The following ARID5B variants were observed in gnomAD, a reference collection of about 807,000 sequenced individuals.
ARID5B encodes the protein AT-rich interaction domain 5B, also known as AT-rich interactive domain-containing protein 5B.
A neutral mutation model predicts 97.2 loss-of-function variants in ARID5B; 13 were observed. The observed-to-expected ratio is 0.13, with a 90% CI of 0.09 to 0.21. The LOEUF is 0.21. Among genes scored for constraint, ARID5B ranks in the 10% least tolerant of loss-of-function variants. The pLI is 1.00. For missense variants in ARID5B, 1,210 were observed against 1,465.3 expected, an observed-to-expected ratio of 0.83 and a Z score of 2.84; for synonymous variants, 556 against 570.3, an observed-to-expected ratio of 0.97 and a Z score of 0.36.
intron 3 of ARID5B, among the ~76,000 whole-genome samples, chr10:61,993,035 G>C (rs534715485): frequency 4.0e-5 from 6 of 151,576 alleles, no homozygotes; most frequent in Non-Finnish European, 8.8e-5. Context: ...TTTTAATCAG[G>C]CATTTAATTT....
intron 4 of ARID5B, among the ~76,000 whole-genome samples, chr10:62,027,863 G>A (rs891613097): frequency 6.6e-6 from 1 of 152,132 alleles, no homozygotes; most frequent in South Asian, 2.1e-4. Flanking sequence ...AGTGAGTTCA[G>A]CACCCTTGTG....
At chr10:62,077,704 A>C (rs1218737965) in intron 8 of ARID5B, among the ~76,000 whole-genome samples, 1 of 152,202 alleles carries the variant, frequency 6.6e-6, no homozygotes, top group Non-Finnish European at 1.5e-5. Context: ...TTTAAATTTG[A>C]GAATAGATTA....
chr10:62,016,867 A>C (rs1253889373), intron 4 of ARID5B, among the ~76,000 whole-genome samples: 1 of 152,226 alleles, frequency 6.6e-6, no homozygotes, highest in African/African-American at 2.4e-5. Context: ...ATATTTGAAC[A>C]GTATGCCTGT....
At chr10:62,029,763 G>C (rs1839470788) in intron 4 of ARID5B, among the ~76,000 whole-genome samples, 1 of 152,186 alleles carries the variant, frequency 6.6e-6, no homozygotes, top group African/African-American at 2.4e-5. Context: ...ATTTAGTTCA[G>C]ATTTTCGACT....
At chr10:62,006,782 T>C (rs1839152377) in intron 4 of ARID5B, among the ~76,000 whole-genome samples, 1 of 152,186 alleles carries the variant, frequency 6.6e-6, no homozygotes, top group African/African-American at 2.4e-5. Context: ...ACAGTCATAA[T>C]ATATGGAATG....
Position 62,093,211 on chromosome 10 carries a change from C to T in ARID5B, c.*181C>T, listed in dbSNP as rs1003245550. The stretch of plus-strand genomic sequence containing the variant: ...CTGATTTTTGTGGGACAACTCTAGC[C>T]CACAAACTGACTGGCTGGTGAGTCT... On this transcript the variant is annotated 3_prime_UTR_variant, in exon 10 of 10. Coordinates refer to ENST00000279873, the MANE Select transcript of ARID5B (RefSeq NM_032199.3). The T allele has an allele frequency of 3.1e-5, 26 of 834,150 alleles. No individual in the cohort carries two copies. In the South Asian group the frequency reaches 5.3e-4, roughly 17 times the overall value. 51.7% of individuals were successfully genotyped at this position (834,150 alleles called of 1,614,324 possible). A position where few individuals can be genotyped will look rare whatever the true frequency, so the allele number is the denominator to read the frequency against.
At chr10:62,015,487 A>G (rs1250548790) in intron 4 of ARID5B, among the ~76,000 whole-genome samples, 1 of 152,218 alleles carries the variant, frequency 6.6e-6, no homozygotes, top group Non-Finnish European at 1.5e-5. Context: ...AATGATTATG[A>G]GAATCTGACT....
At chr10:61,912,854 G>A (rs1422766506) in intron 2 of ARID5B, among the ~76,000 whole-genome samples, 5 of 151,968 alleles carry the variant, frequency 3.3e-5, no homozygotes, top group African/African-American at 1.2e-4. Context: ...CTTGCCCTAA[G>A]CTCTCCAACG....
intron 2 of ARID5B, among the ~76,000 whole-genome samples, chr10:61,933,537 A>C (rs377330304): frequency 8.5e-5 from 13 of 152,350 alleles, no homozygotes; most frequent in African/African-American, 3.1e-4. Context: ...CGTAAGTCAA[A>C]GTTACTCCTT....
chr10:61,916,411 A>G (rs1157880955), intron 2 of ARID5B, among the ~76,000 whole-genome samples: 2 of 151,938 alleles, frequency 1.3e-5, no homozygotes, highest in Admixed American at 1.3e-4. Context: ...AGCTTAAAAC[A>G]TTTACTATCT....
At chr10:62,085,998 G>A in intron 9 of ARID5B, 98 bp downstream of exon 9, 2 of 1,293,272 alleles carry the variant, frequency 1.5e-6, no homozygotes, top group Non-Finnish European at 2.1e-6. Flanking sequence ...CTGCACAGTT[G>A]GATGGCTTGA....
intron 3 of ARID5B, among the ~76,000 whole-genome samples, chr10:61,994,822 C>T (rs1001630641): frequency 3.6e-5 from 5 of 137,566 alleles, no homozygotes; most frequent in African/African-American, 1.3e-4. Flanking sequence ...GCATTACAAG[C>T]AGTGTACTTT....
chr10:62,028,646 A>T (rs1338179597), intron 4 of ARID5B, among the ~76,000 whole-genome samples: 3 of 152,194 alleles, frequency 2.0e-5, no homozygotes, highest in African/African-American at 7.2e-5. Flanking sequence ...TATGAGGATT[A>T]AATGAAGTGC....
intron 4 of ARID5B, among the ~76,000 whole-genome samples, chr10:62,044,565 G>A (rs1839682302): frequency 6.6e-6 from 1 of 151,790 alleles, no homozygotes; most frequent in Non-Finnish European, 1.5e-5. Context: ...AGAAACAGGG[G>A]TCTCATTACA....
intron 3 of ARID5B, among the ~76,000 whole-genome samples, chr10:61,983,957 G>C (rs1457058320): frequency 9.7e-5 from 2 of 20,604 alleles, no homozygotes; most frequent in African/African-American, 3.0e-4. Flanking sequence ...GCGCAATCTC[G>C]GCTCACTGCA....
chr10:61,977,207 A>G (rs1589242903), intron 3 of ARID5B, among the ~76,000 whole-genome samples: 1 of 152,214 alleles, frequency 6.6e-6, no homozygotes, highest in South Asian at 2.1e-4. Flanking sequence ...TTATGGCTGC[A>G]TAGTATTCCA....
intron 3 of ARID5B, among the ~76,000 whole-genome samples, chr10:61,944,117 T>C (rs1844461620): frequency 6.6e-6 from 1 of 152,126 alleles, no homozygotes; most frequent in African/African-American, 2.4e-5. Context: ...ATGAAACCAA[T>C]GCAAATTATG....
chr10:61,990,970 CTA>C (rs1192765580), intron 3 of ARID5B, among the ~76,000 whole-genome samples: 1 of 151,756 alleles, frequency 6.6e-6, no homozygotes, highest in African/African-American at 2.4e-5. Context: ...TTTTCTGTCT[CTA>C]TGAGTCACCC....
intron 3 of ARID5B, among the ~76,000 whole-genome samples, chr10:61,992,535 C>G (rs1235598926): frequency 1.3e-5 from 2 of 152,086 alleles, no homozygotes; most frequent in East Asian, 3.8e-4. Context: ...GGTTCAAACC[C>G]TTGGTTTTGG....
Sources: allele counts gnomAD v4.1 joint callset (sites outside exome capture counted in the v4.1 genomes callset), GRCh38; gene constraint gnomAD v4.1.1; transcripts MANE v1.5; gene names NCBI Gene and HGNC (gene_info 2026-07-23, HGNC 2026-07-21).